SMARCAD1: variants seen among roughly 807,000 people sequenced by gnomAD.
SMARCAD1 encodes SNF2 related chromatin remodeling ATPase with DExD box 1, also known as SWI/SNF-related matrix-associated actin-dependent regulator of chromatin subfamily A containing DEAD/H box 1.
In SMARCAD1, 25 loss-of-function variants were observed where a neutral mutation model predicts 127.1. The observed-to-expected ratio is 0.20, with a 90% CI of 0.14 to 0.27. The LOEUF (loss-of-function observed/expected upper bound fraction) is 0.27. SMARCAD1 is among the 10% of genes least tolerant of loss of function. The pLI, the probability that SMARCAD1 is intolerant of heterozygous loss-of-function variation, is 1.00. For missense variants in SMARCAD1, 807 were observed against 1,206.0 expected (o/e 0.67, Z 4.90); for synonymous variants, 400 against 396.9 (o/e 1.01, Z -0.09).
intron 9 of SMARCAD1, among the ~76,000 whole-genome samples, chr4:94,260,346 TA>T (rs763237151): frequency 1.6e-4 from 25 of 152,138 alleles, no homozygotes; most frequent in Non-Finnish European, 3.4e-4. Context: ...CTTTTTATTT[TA>T]TTTTTTTTTA....
chr4:94,238,953 A>G (rs751927276), intron 5 of SMARCAD1, among the ~76,000 whole-genome samples: 4 of 152,244 alleles, frequency 2.6e-5, no homozygotes, highest in Admixed American at 6.5e-5. Context: ...CTCTGCCGTC[A>G]TAAGAGTTTA....
In SMARCAD1 at chr4:94,283,145, T is replaced by C. The variant is rs764341805; in HGVS notation, c.2751T>C (p.Asn917=). ...SERIHLIDEF[N]TDMDIFVFLL... ...GGATTCATCTAATTGATGAGTTTAA[T>C]ACCGATATGGATATCTTTGTGTTTC... The change falls in exon 22 of 24, where the codon AAT becomes AAC. Residue 917 remains asparagine, a synonymous_variant. Coordinates refer to ENST00000354268, the MANE Select transcript of SMARCAD1 (RefSeq NM_020159.5). 6.2e-7 allele frequency: 1 copy of C among 1,613,576 alleles called. No individual in the cohort carries two copies. Among genetic ancestry groups the C allele is most frequent in the South Asian group, 1.1e-5 (1 of 91,056 alleles).
chr4:94,271,645 A>G (rs1752553332), intron 11 of SMARCAD1, among the ~76,000 whole-genome samples: 1 of 152,220 alleles, frequency 6.6e-6, no homozygotes, highest in Non-Finnish European at 1.5e-5. Context: ...GATACTGTTT[A>G]TCTAATAGAA....
At chr4:94,218,310 G>A (rs150233850) in intron 2 of SMARCAD1, among the ~76,000 whole-genome samples, 1,565 of 151,110 alleles carry the variant, frequency 0.01, 24 homozygotes, top group African/African-American at 0.035. Flanking sequence ...TTGAGATAGA[G>A]TGTCACTCTG....
At chr4:94,254,951 T>TA (rs1167241044) in intron 9 of SMARCAD1, among the ~76,000 whole-genome samples, 1 of 152,058 alleles carries the variant, frequency 6.6e-6, no homozygotes, top group Non-Finnish European at 1.5e-5. Context: ...AATATCTTAA[T>TA]AAAATTATCA....
intron 23 of SMARCAD1, among the ~76,000 whole-genome samples, chr4:94,287,853 A>G (rs1012681920): frequency 6.6e-6 from 1 of 152,106 alleles, no homozygotes; most frequent in East Asian, 1.9e-4. Context: ...AGAAATAGTC[A>G]TACAAAAATG....
intron 10 of SMARCAD1, among the ~76,000 whole-genome samples, chr4:94,266,006 A>C (rs886231074): frequency 4.6e-5 from 7 of 152,078 alleles, no homozygotes; most frequent in Admixed American, 2.6e-4. Flanking sequence ...GGAAAAAAAA[A>C]CAAGATGATT....
intron 11 of SMARCAD1, 75 bp downstream of exon 11, chr4:94,270,893 G>A: frequency 7.0e-7 from 1 of 1,428,278 alleles, no homozygotes. Context: ...TTTAAAACAT[G>A]AAACTTTTTT....
At chr4:94,220,479 C>G (rs1413899902) in intron 2 of SMARCAD1, among the ~76,000 whole-genome samples, 1 of 152,120 alleles carries the variant, frequency 6.6e-6, no homozygotes, top group African/African-American at 2.4e-5. Flanking sequence ...AACTCCTGAC[C>G]TCAAGTGATC....
intron 9 of SMARCAD1, among the ~76,000 whole-genome samples, chr4:94,254,029 G>A (rs1208935137): frequency 6.6e-6 from 1 of 152,146 alleles, no homozygotes; most frequent in African/African-American, 2.4e-5. Context: ...TAAATGCCCT[G>A]ATAAGTGTCT....
chr4:94,283,087 T>C (rs748851771), intron 21 of SMARCAD1, 34 bp from the exon 22 acceptor site: 15 of 1,558,926 alleles, frequency 9.6e-6, no homozygotes, highest in Non-Finnish European at 1.3e-5. Context: ...TACAACTTTT[T>C]AGTGAGATTT....
At chr4:94,257,444 A>G (rs1230431998) in intron 9 of SMARCAD1, among the ~76,000 whole-genome samples, 12 of 152,108 alleles carry the variant, frequency 7.9e-5, no homozygotes, top group African/African-American at 2.9e-4. Flanking sequence ...TTTACAGGGT[A>G]CTTTGTATTT....
At chr4:94,237,051 T>G (rs757196429) in intron 5 of SMARCAD1, 33 bp downstream of exon 5, 2 of 1,551,550 alleles carry the variant, frequency 1.3e-6, no homozygotes, top group African/African-American at 2.7e-5. Context: ...CCATGTCGAT[T>G]TATTGTTACG....
chr4:94,259,771 A>G lies in SMARCAD1; in HGVS notation c.1282-4936A>G, dbSNP rs79344163. ...CACTTCCTTCCATCATATTATTTTG[A>G]AGCACATCTCAGACATCATTTTATC... On this transcript the variant is annotated intron_variant, in intron 9 of 23. Coordinates refer to ENST00000354268, the MANE Select transcript of SMARCAD1 (RefSeq NM_020159.5). 7.5e-3 allele frequency among the ~76,000 whole-genome samples: 1,146 copies of G among 152,260 alleles called. 9 individuals carry two copies. Among genetic ancestry groups the G allele is most frequent in the African/African-American group, 0.026 (1,088 of 41,556 alleles).
chr4:94,248,203 A>G (rs1040664574), intron 6 of SMARCAD1, among the ~76,000 whole-genome samples: 1 of 152,214 alleles, frequency 6.6e-6, no homozygotes, highest in Non-Finnish European at 1.5e-5. Context: ...AGCCTCTTAC[A>G]TAGCATAATG....
chr4:94,237,460 A>T (rs1746846535), intron 5 of SMARCAD1, among the ~76,000 whole-genome samples: 2 of 151,674 alleles, frequency 1.3e-5, no homozygotes, highest in African/African-American at 4.8e-5. Context: ...CCAGTTTTTA[A>T]ATAAATGCTG....
intron 7 of SMARCAD1, among the ~76,000 whole-genome samples, 176 bp from the exon 8 acceptor site, chr4:94,250,576 T>C (rs574632856): frequency 5.3e-5 from 8 of 152,232 alleles, no homozygotes; most frequent in Middle Eastern, 3.4e-3. Flanking sequence ...ATTGTGTATT[T>C]GTGGAGGTGA....
intron 4 of SMARCAD1, among the ~76,000 whole-genome samples, chr4:94,235,304 T>C (rs867622684): frequency 5.3e-5 from 8 of 150,506 alleles, no homozygotes; most frequent in Non-Finnish European, 1.0e-4. Flanking sequence ...ATATGTGATA[T>C]TTTGTGACTG....
intron 21 of SMARCAD1, 39 bp from the exon 22 acceptor site, chr4:94,283,082 C>G (rs1476071509): frequency 1.9e-6 from 3 of 1,545,688 alleles, no homozygotes; most frequent in Non-Finnish European, 2.7e-6. Context: ...CATTATACAA[C>G]TTTTTAGTGA....
Sources: gnomAD v4.1 joint callset for allele counts (sites outside exome capture counted in the v4.1 genomes callset) on GRCh38, gnomAD v4.1.1 for gene constraint, MANE v1.5 for transcripts, NCBI Gene and HGNC (gene_info 2026-07-23, HGNC 2026-07-21) for gene names.